SNX6: variants seen among roughly 807,000 people sequenced by gnomAD.
SNX6 encodes sorting nexin 6.
Under a neutral mutation model 63.0 loss-of-function variants are expected in SNX6, and 34 were observed. That is an observed-to-expected ratio of 0.54 (90% confidence interval 0.41 to 0.72). SNX6 has a LOEUF of 0.72. Among genes scored for constraint, SNX6 ranks in the 30% least tolerant of loss-of-function variants. The probability of loss-of-function intolerance (pLI) is 0.00; values close to 1 mark genes in which losing one functional copy is unlikely to be tolerated. For synonymous variants in SNX6, 170 were observed against 164.2 expected, an observed-to-expected ratio of 1.04 and a Z score of -0.27; for missense variants, 398 against 471.4, an observed-to-expected ratio of 0.84 and a Z score of 1.44.
chr14:34,573,980 A>C (rs190822286), intron 11 of SNX6, among the ~76,000 whole-genome samples: 2 of 152,216 alleles, frequency 1.3e-5, no homozygotes, highest in East Asian at 3.9e-4. Context: ...TTGCCTTATA[A>C]AAAAGCGTAT....
chr14:34,578,204 A>AAAAC (rs570920447), intron 10 of SNX6, among the ~76,000 whole-genome samples: 2 of 152,108 alleles, frequency 1.3e-5, no homozygotes, highest in East Asian at 1.9e-4. Flanking sequence ...ACTCTGTCTC[A>AAAAC]AAACAAACAA....
At chr14:34,622,779 G>C (rs1335198847) in intron 2 of SNX6, among the ~76,000 whole-genome samples, 2 of 152,118 alleles carry the variant, frequency 1.3e-5, no homozygotes, top group African/African-American at 2.4e-5. Context: ...CCAGGCCCTA[G>C]AGCTAGATTG....
At chr14:34,628,816 T>C (rs1335123813) in intron 2 of SNX6, among the ~76,000 whole-genome samples, 2 of 152,030 alleles carry the variant, frequency 1.3e-5, no homozygotes, top group Admixed American at 6.6e-5. Context: ...GTGCAGGCTG[T>C]GAAATGTGAA....
At chr14:34,602,361 G>A (rs1169939225) in intron 6 of SNX6, among the ~76,000 whole-genome samples, 1 of 151,898 alleles carries the variant, frequency 6.6e-6, no homozygotes, top group Non-Finnish European at 1.5e-5. Context: ...AGGAGGCAGA[G>A]GTTGTGGGTG....
intron 13 of SNX6, among the ~76,000 whole-genome samples, chr14:34,563,569 A>T (rs1206701838): frequency 6.8e-6 from 1 of 147,522 alleles, no homozygotes; most frequent in South Asian, 2.1e-4. Context: ...AAAAAAAAAA[A>T]AATAAGAAAA....
At chr14:34,604,549 A>T (rs1460904686) in intron 5 of SNX6, among the ~76,000 whole-genome samples, 1 of 152,206 alleles carries the variant, frequency 6.6e-6, no homozygotes, top group Non-Finnish European at 1.5e-5. Context: ...AGAAATGACC[A>T]GAAAAAGTGA....
At chr14:34,564,130 C>A (rs913000016) in intron 13 of SNX6, among the ~76,000 whole-genome samples, 1 of 151,986 alleles carries the variant, frequency 6.6e-6, no homozygotes, top group Admixed American at 6.6e-5. Context: ...CGGGTTCAAG[C>A]GATCCTTCTG....
At position 34,562,887 on chromosome 14, in the gene SNX6, A is replaced by T. The variant is rs1214888265; in HGVS notation, c.*235T>A. 2.0e-6 allele frequency: 1 copy of T among 506,848 alleles called. No individual in the cohort carries two copies. Among genetic ancestry groups the T allele is most frequent in the East Asian group, 3.2e-5 (1 of 31,070 alleles). 31.4% of individuals were successfully genotyped at this position (506,848 alleles called of 1,614,324 possible). On this transcript the variant is annotated 3_prime_UTR_variant, in exon 14 of 14. Coordinates refer to ENST00000362031, the MANE Select transcript of SNX6 (RefSeq NM_152233.4). Reference sequence around the variant, plus strand: ...AATGAACTTTGGACTTCTGAGTATGACGAGTGCACGATGATGGACCACTGT... The same window carrying T: ...AATGAACTTTGGACTTCTGAGTATGTCGAGTGCACGATGATGGACCACTGT...
rs1882949663 is a variant in SNX6, at chr14:34,604,708, G to C, written c.392+888C>G. ...ATACACTAAAAACGAAATATGGGTTGAGTATCCCTACCCGAAAATCTGAAA... is the reference window on the plus strand; with the variant it reads ...ATACACTAAAAACGAAATATGGGTTCAGTATCCCTACCCGAAAATCTGAAA... On this transcript the variant is annotated intron_variant, in intron 5 of 13. Coordinates refer to ENST00000362031, the MANE Select transcript of SNX6 (RefSeq NM_152233.4). 2.4e-5 allele frequency among the ~76,000 whole-genome samples: 3 copies of C among 123,726 alleles called. No individual in the cohort carries two copies. In the South Asian group the frequency reaches 8.8e-4, roughly 36 times the overall value. The allele number at this position is 123,726 out of a possible 152,430, so 81.2% of individuals were successfully genotyped here. A position where few individuals can be genotyped will look rare whatever the true frequency, so the allele number is the denominator to read the frequency against.
At position 34,609,699 on chromosome 14, in the gene SNX6, T is replaced by C; in HGVS notation, c.98A>G (p.Gln33Arg). 6.2e-7 allele frequency: 1 copy of C among 1,613,268 alleles called. No individual in the cohort carries two copies. The highest frequency in any genetic ancestry group is 8.5e-7 in the Non-Finnish European group (1 of 1,179,532). The change falls in exon 3 of 14, where the codon CAG becomes CGG. Residue 33 changes from glutamine to arginine, a missense_variant. Coordinates refer to ENST00000362031, the MANE Select transcript of SNX6 (RefSeq NM_152233.4). ...ACTAAGAGCATCAGAAATGTCCACC[T>C]GCAGAGCAGCATCACTTTGAAGATC... ...NVDLQSDAAL[Q>R]VDISDALSER... is the part of the protein sequence containing the mutation.
At chr14:34,599,773 C>CAAA (rs58894384) in intron 6 of SNX6, among the ~76,000 whole-genome samples, 2,763 of 129,252 alleles carry the variant, frequency 0.021, 83 homozygotes, top group African/African-American at 0.06. Context: ...GACTCTGTCT[C>CAAA]AAAAAAAAAA....
intron 2 of SNX6, among the ~76,000 whole-genome samples, chr14:34,628,073 G>C (rs910667073): frequency 5.3e-5 from 8 of 152,154 alleles, no homozygotes; most frequent in African/African-American, 1.7e-4. Context: ...AAGCTCGGCT[G>C]GGCACAGTGA....
At chr14:34,629,582 G>T in intron 2 of SNX6, 1 of 613,982 alleles carries the variant, frequency 1.6e-6, no homozygotes, top group Non-Finnish European at 3.0e-6. Context: ...AAGTGTCGAG[G>T]GAGGGTGGGG....
intron 8 of SNX6, among the ~76,000 whole-genome samples, chr14:34,590,531 T>A (rs1882351170): frequency 6.6e-6 from 1 of 151,694 alleles, no homozygotes. Flanking sequence ...CCACACTGAG[T>A]TACCACCACT....
chr14:34,582,353 T>A (rs1881975412), intron 9 of SNX6, among the ~76,000 whole-genome samples: 1 of 151,796 alleles, frequency 6.6e-6, no homozygotes, highest in Admixed American at 6.6e-5. Context: ...TAGCCAGGTG[T>A]GGTGGTGCAC....
At chr14:34,616,768 T>C (rs978278935) in intron 2 of SNX6, among the ~76,000 whole-genome samples, 47 of 152,092 alleles carry the variant, frequency 3.1e-4, no homozygotes, top group African/African-American at 1.0e-3. Flanking sequence ...AGCAAACAAC[T>C]TGTGTTTCAT....
At chr14:34,612,753 T>C (rs774031306) in intron 2 of SNX6, among the ~76,000 whole-genome samples, 1 of 151,376 alleles carries the variant, frequency 6.6e-6, no homozygotes, top group Non-Finnish European at 1.5e-5. Context: ...TCCTTATATA[T>C]AAAAGGCAGA....
At position 34,562,917 on chromosome 14, in the gene SNX6, G is replaced by C; in HGVS notation, c.*205C>G. 1.7e-6 allele frequency: 1 copy of C among 591,856 alleles called. No individual in the cohort carries two copies. The highest frequency in any genetic ancestry group is 3.2e-5 in the Admixed American group (1 of 31,342). 36.7% of individuals were successfully genotyped at this position (591,856 alleles called of 1,614,324 possible). On this transcript the variant is annotated 3_prime_UTR_variant, in exon 14 of 14. Coordinates refer to ENST00000362031, the MANE Select transcript of SNX6 (RefSeq NM_152233.4). ...TGCACGATGATGGACCACTGTCATG[G>C]GGAACACAGTGCGGCATCACGGCAC... is the stretch of plus-strand genomic sequence containing the variant.
chr14:34,570,230 T>A (rs993732961), intron 11 of SNX6, among the ~76,000 whole-genome samples: 5 of 151,840 alleles, frequency 3.3e-5, no homozygotes, highest in African/African-American at 1.2e-4. Context: ...CCACCACGCC[T>A]GGCTAATTTT....
Sources: gnomAD v4.1 joint callset for allele counts (sites outside exome capture counted in the v4.1 genomes callset) on GRCh38, gnomAD v4.1.1 for gene constraint, MANE v1.5 for transcripts, NCBI Gene and HGNC (gene_info 2026-07-23, HGNC 2026-07-21) for gene names.